The following MPDZ variants were observed in gnomAD, a reference collection of about 807,000 sequenced individuals.
MPDZ encodes multiple PDZ domain crumbs cell polarity complex component.
Under a neutral mutation model 239.1 loss-of-function variants are expected in MPDZ, and 234 were observed. The ratio of observed to expected loss-of-function variants is 0.98; its 90% CI spans 0.88 to 1.09. MPDZ has a LOEUF of 1.09. Ranked by LOEUF, MPDZ falls within the 50% of genes least tolerant of loss-of-function variation. MPDZ has a pLI of 0.00. For synonymous variants in MPDZ, 1,048 were observed against 881.3 expected (o/e 1.19, Z -3.35); for missense variants, 3,175 against 2,510.0 (o/e 1.26, Z -5.66).
chr9:13,259,631 T>A (rs931084794), intron 1 of MPDZ, among the ~76,000 whole-genome samples: 5 of 152,066 alleles, frequency 3.3e-5, no homozygotes, highest in South Asian at 2.1e-4. Flanking sequence ...TCTTAAAGAA[T>A]AGGTGGGGGA....
At position 13,222,322 on chromosome 9, in the gene MPDZ, T is replaced by C. The variant is rs61753787; in HGVS notation, c.658A>G (p.Ile220Val). 4.3e-6 allele frequency: 7 copies of C among 1,612,904 alleles called. No individual in the cohort carries two copies. In the African/African-American group the frequency reaches 8.0e-5, roughly 18 times the overall value. Residue 220 changes from isoleucine to valine, a missense_variant, in exon 6 of 47, where the codon ATT (isoleucine) becomes GTT (valine). By Grantham distance (29) the Ile-to-Val change is conservative (BLOSUM62 3). Transcript: ENST00000319217. ...QKAKDTVQLV[I>V]ARGSLPQLVS... ...AGCTGAGGCAATGAGCCTCTGGCAA[T>C]AACTAGCTGGACAGTATCTTTGGCT...
rs1156745118 is a variant in MPDZ at position 13,234,815 on chromosome 9, GA to G, written c.184-10233del. Among the ~76,000 whole-genome samples the G allele has an allele frequency of 1.3e-4, 6 of 45,200 alleles. No individual in the cohort carries two copies. The East Asian group carries it at 0.054, about 404-fold the overall frequency. 29.7% of individuals were successfully genotyped at this position (45,200 alleles called of 152,430 possible). On this transcript the variant is annotated intron_variant, in intron 3 of 46. Coordinates refer to ENST00000319217, the MANE Select transcript of MPDZ (RefSeq NM_001378778.1). ...AACAGACGCACCTCTTAGAAATGCA[GA>G]ATTTTTTTTTTTAATCATGCACCTT...
chr9:13,119,834 T>C (rs1944060516), intron 38 of MPDZ, 185 bp from the exon 39 acceptor site: 6 of 634,316 alleles, frequency 9.5e-6, no homozygotes, highest in Admixed American at 8.0e-5. Flanking sequence ...GCTTATGTCT[T>C]ACAGTGCTTC....
intron 19 of MPDZ, among the ~76,000 whole-genome samples, chr9:13,181,807 G>C (rs1953373037): frequency 6.6e-6 from 1 of 152,144 alleles, no homozygotes; most frequent in Non-Finnish European, 1.5e-5. Context: ...AATGCAATCT[G>C]TCCACTGGGA....
chr9:13,125,927 C>T (rs973024971), intron 34 of MPDZ, among the ~76,000 whole-genome samples: 7 of 152,098 alleles, frequency 4.6e-5, no homozygotes, highest in Admixed American at 1.3e-4. Context: ...TAACTTTAAG[C>T]TTCTTACTGT....
At chr9:13,161,733 C>G (rs956232126) in intron 23 of MPDZ, among the ~76,000 whole-genome samples, 2 of 152,090 alleles carry the variant, frequency 1.3e-5, no homozygotes, top group Non-Finnish European at 2.9e-5. Context: ...GTACATTCTT[C>G]ATGGAAAAGC....
intron 10 of MPDZ, among the ~76,000 whole-genome samples, chr9:13,210,521 T>C (rs1957497934): frequency 6.6e-6 from 1 of 151,698 alleles, no homozygotes; most frequent in African/African-American, 2.4e-5. Flanking sequence ...GAAGAGGCAA[T>C]GCAGCAGATT....
chr9:13,276,001 GA>G (rs1311171570), intron 1 of MPDZ, among the ~76,000 whole-genome samples: 1 of 152,104 alleles, frequency 6.6e-6, no homozygotes, highest in Non-Finnish European at 1.5e-5. Context: ...TAACCTCAAT[GA>G]TAAGAGCAAC....
intron 27 of MPDZ, among the ~76,000 whole-genome samples, chr9:13,140,493 A>G (rs568522518): frequency 6.7e-6 from 1 of 148,910 alleles, no homozygotes; most frequent in Non-Finnish European, 1.5e-5. Flanking sequence ...TTCCATATAT[A>G]TCTATGTATA....
chr9:13,124,224 T>G (rs1211497023), intron 35 of MPDZ, among the ~76,000 whole-genome samples: 1 of 152,212 alleles, frequency 6.6e-6, no homozygotes, highest in Non-Finnish European at 1.5e-5. Context: ...CATATTTTTA[T>G]AGACAACACT....
In MPDZ at chr9:13,279,455, C is replaced by G. The variant is rs1244398567; in HGVS notation, c.-113G>C. The G allele has an allele frequency of 1.3e-5, 2 of 148,360 alleles. No homozygotes were observed. The highest frequency in any genetic ancestry group is 4.9e-5 in the African/African-American group (2 of 41,006). The allele number at this position is 148,360 out of a possible 1,614,324, so 9.2% of individuals were successfully genotyped here. A position where few individuals can be genotyped will look rare whatever the true frequency, so the allele number is the denominator to read the frequency against. ...CGCGAGGGGGCGGAGGACTGGGGAG[C>G]AGGGGTCGCCGGGGCCTCTGGATGC... On this transcript the variant is annotated 5_prime_UTR_variant, in exon 1 of 47. Coordinates refer to ENST00000319217, the MANE Select transcript of MPDZ (RefSeq NM_001378778.1).
intron 28 of MPDZ, 134 bp downstream of exon 28, chr9:13,139,853 T>C: frequency 9.6e-7 from 1 of 1,046,354 alleles, no homozygotes; most frequent in Non-Finnish European, 1.5e-6. Flanking sequence ...ACAAACACTA[T>C]TTCTTTCCAC....
At chr9:13,190,680 CAA>C (rs1280310719) in intron 15 of MPDZ, among the ~76,000 whole-genome samples, 9 of 151,900 alleles carry the variant, frequency 5.9e-5, no homozygotes, top group African/African-American at 1.9e-4. Flanking sequence ...TAAATAAAAA[CAA>C]GAGAAAATGG....
At chr9:13,130,426 C>A (rs1945801729) in intron 32 of MPDZ, among the ~76,000 whole-genome samples, 1 of 137,014 alleles carries the variant, frequency 7.3e-6, no homozygotes, top group Non-Finnish European at 1.5e-5. Context: ...CGGCACATAA[C>A]CGTTCATTCA....
At chr9:13,277,546 CTTTTAT>C (rs1232414391) in intron 1 of MPDZ, among the ~76,000 whole-genome samples, 2 of 151,934 alleles carry the variant, frequency 1.3e-5, no homozygotes, top group Non-Finnish European at 2.9e-5. Flanking sequence ...TTTTGCTAGG[CTTTTAT>C]TTTTATTTTT....
intron 15 of MPDZ, among the ~76,000 whole-genome samples, chr9:13,190,864 G>C (rs1370162622): frequency 6.6e-6 from 1 of 152,082 alleles, no homozygotes; most frequent in African/African-American, 2.4e-5. Flanking sequence ...GAATTACATT[G>C]AGCAATATTC....
At chr9:13,279,242 G>GCCCCCCCTCCCCCCACCC in intron 1 of MPDZ, 158 bp downstream of exon 1, 1 of 86,072 alleles carries the variant, frequency 1.2e-5, no homozygotes, top group Non-Finnish European at 2.4e-5. Flanking sequence ...ACGGCCCGCC[G>GCCCCCCCTCCCCCCACCC]CCACCCCTAC....
At chr9:13,125,462 T>C in intron 34 of MPDZ, 72 bp from the exon 35 acceptor site, 1 of 1,351,128 alleles carries the variant, frequency 7.4e-7, no homozygotes, top group Non-Finnish European at 1.0e-6. Flanking sequence ...TGAGTCACCA[T>C]TATCAATGGA....
chr9:13,117,398 G>A (rs1943632920), intron 39 of MPDZ, among the ~76,000 whole-genome samples: 1 of 152,008 alleles, frequency 6.6e-6, no homozygotes, highest in African/African-American at 2.4e-5. Context: ...GGGCGTGGTG[G>A]CAGGCGCCTG....
Sources: gnomAD v4.1 joint callset for allele counts (sites outside exome capture counted in the v4.1 genomes callset) on GRCh38, gnomAD v4.1.1 for gene constraint, MANE v1.5 for transcripts, NCBI Gene and HGNC (gene_info 2026-07-23, HGNC 2026-07-21) for gene names.